The following CRYZ variants were observed in gnomAD, a reference collection of about 807,000 sequenced individuals.
CRYZ encodes crystallin zeta, also known as zeta-crystallin.
CRYZ carries 35 observed loss-of-function variants against 34.1 expected under a neutral mutation model. That is an observed-to-expected ratio of 1.03 (90% CI 0.78 to 1.36). The LOEUF is 1.36. Ranked by LOEUF, CRYZ falls within the 40% of genes most tolerant of loss-of-function variation. The pLI is 0.00. For missense variants in CRYZ, 403 were observed against 391.8 expected (o/e 1.03, Z -0.24); for synonymous variants, 137 against 136.5 (o/e 1.00, Z -0.03).
chr1:74,709,734 C>T (rs1646975596), intron 6 of CRYZ, among the ~76,000 whole-genome samples: 1 of 152,144 alleles, frequency 6.6e-6, no homozygotes, highest in Non-Finnish European at 1.5e-5. Context: ...TTACAGATAT[C>T]TCACCTTCCA....
chr1:74,706,295 A>T lies in CRYZ; in HGVS notation c.*1T>A, dbSNP rs1453053893. 1.3e-6 allele frequency: 2 copies of T among 1,599,508 alleles called. No individual in the cohort carries two copies. Among genetic ancestry groups the T allele is most frequent in the Non-Finnish European group, 1.7e-6 (2 of 1,174,764 alleles). ...TAGGAAATCCATGAAAGAATTAATC[A>T]TCATAAGAGAAGAATCATTTTTCCA... On this transcript the variant is annotated 3_prime_UTR_variant, in exon 9 of 9. Coordinates refer to ENST00000340866, the MANE Select transcript of CRYZ (RefSeq NM_001889.4).
chr1:74,729,302 G>A (rs1034472442), intron 1 of CRYZ, among the ~76,000 whole-genome samples: 27 of 151,800 alleles, frequency 1.8e-4, no homozygotes, highest in African/African-American at 5.8e-4. Flanking sequence ...TCAGAGTTAC[G>A]TGCTAGAGAC....
chr1:74,715,923 T>TC (rs202033550), intron 4 of CRYZ, among the ~76,000 whole-genome samples: 4 of 151,558 alleles, frequency 2.6e-5, no homozygotes, highest in African/African-American at 4.9e-5. Context: ...TTTTTTTTTT[T>TC]CGAATGAGAT....
chr1:74,728,627 C>G (rs113618397), intron 1 of CRYZ, among the ~76,000 whole-genome samples: 1 of 152,198 alleles, frequency 6.6e-6, no homozygotes, highest in African/African-American at 2.4e-5. Context: ...AGAGCCCATA[C>G]AGGCTATAAA....
chr1:74,724,955 C>T, intron 1 of CRYZ, 121 bp from the exon 2 acceptor site: 1 of 577,038 alleles, frequency 1.7e-6, no homozygotes, highest in South Asian at 2.3e-5. Flanking sequence ...CATGAGCTTA[C>T]CACTGATCTC....
At chr1:74,719,870 AG>A (rs1457834548) in intron 3 of CRYZ, among the ~76,000 whole-genome samples, 1 of 152,128 alleles carries the variant, frequency 6.6e-6, no homozygotes, top group Non-Finnish European at 1.5e-5. Context: ...TAAGGAAAAC[AG>A]AAAACATATA....
chr1:74,727,032 C>A (rs1394997078), intron 1 of CRYZ, among the ~76,000 whole-genome samples: 3 of 151,896 alleles, frequency 2.0e-5, no homozygotes, highest in African/African-American at 7.2e-5. Flanking sequence ...GTCCATATCA[C>A]TATCAGCATT....
chr1:74,709,512 G>A (rs972493661), intron 6 of CRYZ, among the ~76,000 whole-genome samples: 1 of 152,320 alleles, frequency 6.6e-6, no homozygotes, highest in African/African-American at 2.4e-5. Flanking sequence ...CCTAACGTGA[G>A]GAAGTGGTTG....
At chr1:74,724,564 A>G (rs1416006573) in intron 2 of CRYZ, 147 bp downstream of exon 2, 1 of 514,388 alleles carries the variant, frequency 1.9e-6, no homozygotes, top group African/African-American at 2.0e-5. Flanking sequence ...TGTTAACTTT[A>G]TCAATGTCCA....
At chr1:74,732,303 T>A (rs868425908) in intron 1 of CRYZ, among the ~76,000 whole-genome samples, 7 of 143,024 alleles carry the variant, frequency 4.9e-5, no homozygotes, top group South Asian at 2.2e-4. Flanking sequence ...ACAGCTGGGC[T>A]GTGGGAAGGA....
chr1:74,714,883 T>A (rs1337668051), intron 4 of CRYZ, among the ~76,000 whole-genome samples: 1 of 152,168 alleles, frequency 6.6e-6, no homozygotes, highest in African/African-American at 2.4e-5. Flanking sequence ...GACACTGGGA[T>A]GACTATGTGG....
chr1:74,719,108 C>T (rs2100713220), intron 4 of CRYZ, 101 bp downstream of exon 4: 2 of 1,257,522 alleles, frequency 1.6e-6, no homozygotes. Flanking sequence ...AACTGGTAAC[C>T]AAATATGATG....
At position 74,706,462 on chromosome 1, in the gene CRYZ, G is replaced by T. The variant is rs1458423093; in HGVS notation, c.829-5C>A. 1 of 1,585,038 alleles carries T rather than the reference G, an allele frequency of 6.3e-7. No individual in the cohort carries two copies. The highest frequency in any genetic ancestry group is 2.0e-5 in the Admixed American group (1 of 50,910). ...TGCATATTGCTGAAATTCCTCCTAA[G>T]AAAAGGAAAAACAAATTTCTTTTTG... On this transcript the variant is annotated splice_polypyrimidine_tract_variant and splice_region_variant and intron_variant, in intron 8 of 8. Transcript: ENST00000340866.
chr1:74,721,155 C>T (rs1170521221), intron 3 of CRYZ, among the ~76,000 whole-genome samples: 1 of 152,100 alleles, frequency 6.6e-6, no homozygotes, highest in Non-Finnish European at 1.5e-5. Context: ...AATGAGTAAG[C>T]AGACTAATGT....
intron 4 of CRYZ, among the ~76,000 whole-genome samples, chr1:74,717,893 G>C (rs1343609526): frequency 2.6e-5 from 4 of 152,122 alleles, no homozygotes. Flanking sequence ...TCTCACTCCA[G>C]TGTTCTCACT....
At chr1:74,714,675 A>T (rs1235744565) in intron 4 of CRYZ, 45 bp from the exon 5 acceptor site, 3 of 1,601,068 alleles carry the variant, frequency 1.9e-6, no homozygotes, top group Non-Finnish European at 2.6e-6. Context: ...TTTTGAAGCT[A>T]ATTAATCTCG....
chr1:74,713,965 T>C (rs185085930), intron 5 of CRYZ, among the ~76,000 whole-genome samples: 12 of 152,224 alleles, frequency 7.9e-5, no homozygotes, highest in Admixed American at 4.6e-4. Context: ...CTGACAGCCC[T>C]GCATTGGGTG....
chr1:74,706,579 T>A, intron 8 of CRYZ, 122 bp from the exon 9 acceptor site: 1 of 899,698 alleles, frequency 1.1e-6, no homozygotes, highest in Non-Finnish European at 1.7e-6. Flanking sequence ...AATGTGTGAC[T>A]TTTGTCAACT....
chr1:74,707,264 C>G, intron 6 of CRYZ, 60 bp from the exon 7 acceptor site: 2 of 887,138 alleles, frequency 2.3e-6, no homozygotes, highest in Non-Finnish European at 3.7e-6. Context: ...AAAATAGCTA[C>G]TATCTGTACA....
Sources: allele counts gnomAD v4.1 joint callset (sites outside exome capture counted in the v4.1 genomes callset), GRCh38; gene constraint gnomAD v4.1.1; transcripts MANE v1.5; gene names NCBI Gene and HGNC (gene_info 2026-07-23, HGNC 2026-07-21).